The following EVC2 variants were observed in gnomAD, a reference collection of about 807,000 sequenced individuals.
EVC2 encodes the protein EvC ciliary complex subunit 2.
In EVC2, 148 loss-of-function variants were observed where a neutral mutation model predicts 149.3. The ratio of observed to expected loss-of-function variants is 0.99; its 90% CI spans 0.87 to 1.14. EVC2 has a LOEUF of 1.14. Among genes scored for constraint, EVC2 ranks in the 50% most tolerant of loss-of-function variants. EVC2 has a pLI of 0.00. For synonymous variants in EVC2, 776 were observed against 649.9 expected (o/e 1.19, Z -2.95); for missense variants, 1,854 against 1,627.3 (o/e 1.14, Z -2.40).
intron 16 of EVC2, among the ~76,000 whole-genome samples, chr4:5,587,153 G>A (rs1712361408): frequency 6.6e-6 from 1 of 152,100 alleles, no homozygotes; most frequent in South Asian, 2.1e-4. Context: ...ATTCACTAAA[G>A]TCAACAATTA....
intron 3 of EVC2, among the ~76,000 whole-genome samples, chr4:5,692,736 G>A (rs12644459): frequency 0.35 from 52,359 of 149,992 alleles, 9,538 homozygotes; most frequent in Non-Finnish European, 0.39. Flanking sequence ...GCGCGGTGGC[G>A]GGCGCCTGTA....
intron 9 of EVC2, among the ~76,000 whole-genome samples, chr4:5,661,866 C>A (rs10030653): frequency 8.5e-5 from 13 of 152,340 alleles, no homozygotes; most frequent in African/African-American, 3.1e-4. Flanking sequence ...CTCCAGTTCT[C>A]ATCCATAAGA....
At chr4:5,588,361 C>T (rs139321397) in intron 16 of EVC2, among the ~76,000 whole-genome samples, 2 of 152,232 alleles carry the variant, frequency 1.3e-5, no homozygotes, top group African/African-American at 2.4e-5. Context: ...TTATGATGCA[C>T]CTTAGAAAAA....
chr4:5,628,872 C>A (rs541102128), intron 11 of EVC2, 138 bp from the exon 12 acceptor site: 43 of 881,168 alleles, frequency 4.9e-5, no homozygotes, highest in Non-Finnish European at 7.3e-5. Context: ...CACCTTTAAC[C>A]TCCCTGCCTG....
chr4:5,631,314 A>T (rs1716512417), intron 11 of EVC2, among the ~76,000 whole-genome samples: 1 of 152,118 alleles, frequency 6.6e-6, no homozygotes, highest in South Asian at 2.1e-4. Flanking sequence ...TGTAGCCTCA[A>T]CCTCCTGGGC....
At position 5,562,988 on chromosome 4, in the gene EVC2, T is replaced by C; in HGVS notation, c.3787A>G (p.Ile1263Val). The C allele has an allele frequency of 6.2e-7, 1 of 1,614,196 alleles. No homozygotes were observed. Among genetic ancestry groups the C allele is most frequent in the Non-Finnish European group, 8.5e-7 (1 of 1,180,040 alleles). ...TTCTCTCCTGTGTTTAATAGATCAA[T>C]GGTTTCTGCCCCTACAATGGGTACA... Reference protein sequence around the residue: ...APVPIVGAETIDLLNTGEKLF... With the variant: ...APVPIVGAETVDLLNTGEKLF... Residue 1263 changes from isoleucine (I) to valine (V), a missense_variant, in exon 22 of 22, where the codon ATT becomes GTT. By Grantham distance (29) the Ile-to-Val change is conservative. Coordinates refer to ENST00000344408, the MANE Select transcript of EVC2 (RefSeq NM_147127.5). The surrounding 1 kb of genome is among the most constrained non-coding windows in gnomAD (Gnocchi z 4.3).
At chr4:5,561,117 A>G (rs1407380907), downstream of EVC2, among the ~76,000 whole-genome samples, 1 of 152,194 alleles carries the variant, frequency 6.6e-6, no homozygotes, top group Non-Finnish European at 1.5e-5. Flanking sequence ...TTTGCATGCA[A>G]TCTACTTTCA....
rs1722347761 is a variant in EVC2 at position 5,708,315 on chromosome 4, T to C, written c.199A>G (p.Ser67Gly). ...GPGLRIPPGRSGAGPESSTQD... is the reference protein window; with the variant it reads ...GPGLRIPPGRGGAGPESSTQD... Reference sequence around the variant, plus strand: ...GTGCTGCTCTCGGGCCCCGCCCCGCTCCGCCCCGGAGGGATCCTCAGGCCG... The same window carrying C: ...GTGCTGCTCTCGGGCCCCGCCCCGCCCCGCCCCGGAGGGATCCTCAGGCCG... Residue 67 changes from serine (S) to glycine (G), a missense_variant, in exon 1 of 22, where the codon AGC becomes GGC. Physicochemically the swap from Ser to Gly is moderately conservative, Grantham distance 56 (BLOSUM62 0). Transcript: ENST00000344408. The C allele has an allele frequency of 3.4e-6, 5 of 1,459,622 alleles. No homozygotes were observed. Among genetic ancestry groups the C allele is most frequent in the Non-Finnish European group, 4.5e-6 (5 of 1,110,588 alleles). 90.4% of individuals were successfully genotyped at this position (1,459,622 alleles called of 1,614,324 possible).
At chr4:5,616,260 T>G (rs1715242795) in intron 15 of EVC2, among the ~76,000 whole-genome samples, 1 of 152,150 alleles carries the variant, frequency 6.6e-6, no homozygotes. Context: ...CAGGGAGCCT[T>G]GAGGTCATGT....
chr4:5,563,171 T>G, intron 21 of EVC2, 56 bp from the exon 22 acceptor site: 5 of 1,528,270 alleles, frequency 3.3e-6, no homozygotes, highest in Non-Finnish European at 4.5e-6. Context: ...CCCTCTGGAG[T>G]GTTCTGAGTT....
intron 10 of EVC2, among the ~76,000 whole-genome samples, chr4:5,639,720 TG>T (rs1431239202): frequency 2.6e-5 from 4 of 152,234 alleles, no homozygotes; most frequent in Non-Finnish European, 2.9e-5. Context: ...GGGGGACACG[TG>T]GACTCTGACA....
At chr4:5,562,304 T>C, downstream of EVC2, 3 of 298,226 alleles carry the variant, frequency 1.0e-5, no homozygotes, top group Non-Finnish European at 1.5e-5. The surrounding 1 kb of genome is among the most constrained non-coding windows in gnomAD (Gnocchi z 4.3). Flanking sequence ...CCCCAGGGGC[T>C]GACACATGTT....
chr4:5,614,658 G>C lies in EVC2; in HGVS notation c.2829+764C>G, dbSNP rs1320636970. Among the ~76,000 whole-genome samples the C allele has an allele frequency of 6.6e-6, 1 of 152,174 alleles. No individual in the cohort carries two copies. The highest frequency in any genetic ancestry group is 1.5e-5 in the Non-Finnish European group (1 of 68,038). ...AGATTAAAGCATCCTAGGAGACTGTGTGGTGTGTGCTAGAACATCACGTAT... is the reference window on the plus strand; with the variant it reads ...AGATTAAAGCATCCTAGGAGACTGTCTGGTGTGTGCTAGAACATCACGTAT... On this transcript the variant is annotated intron_variant, in intron 16 of 21. Coordinates refer to ENST00000344408, the MANE Select transcript of EVC2 (RefSeq NM_147127.5). The surrounding 1 kb of genome is among the most constrained non-coding windows in gnomAD (Gnocchi z 4.7).
intron 21 of EVC2, among the ~76,000 whole-genome samples, chr4:5,552,300 C>T (rs984565334): frequency 3.3e-5 from 5 of 152,248 alleles, no homozygotes; most frequent in African/African-American, 1.2e-4. Flanking sequence ...AAATATTTGG[C>T]ATTTACAACA....
intron 21 of EVC2, among the ~76,000 whole-genome samples, chr4:5,555,408 C>T (rs182430671): frequency 1.3e-5 from 2 of 152,060 alleles, no homozygotes; most frequent in Admixed American, 1.3e-4. Flanking sequence ...TACCGGAAAC[C>T]CACTCTAATT....
In EVC2 at chr4:5,640,964, T is replaced by C. The variant is rs1246007776; in HGVS notation, c.1146-126A>G. The C allele has an allele frequency of 1.4e-5, 15 of 1,098,098 alleles. No individual in the cohort carries two copies. In the East Asian group the frequency reaches 3.1e-4, roughly 23 times the overall value. 68.0% of individuals were successfully genotyped at this position (1,098,098 alleles called of 1,614,324 possible). On this transcript the variant is annotated intron_variant, in intron 9 of 21. Coordinates refer to ENST00000344408, the MANE Select transcript of EVC2 (RefSeq NM_147127.5). This position sits in a 1 kb window ranked among gnomAD's most constrained non-coding sequence, Gnocchi z 4.6. ...GCTTTCTTCGTCTTCCTTTTCTTCC[T>C]TTCCCCGCTCACTTCTGCTTCATCC...
At chr4:5,658,344 A>G (rs369539162) in intron 9 of EVC2, among the ~76,000 whole-genome samples, 15 of 152,374 alleles carry the variant, frequency 9.8e-5, no homozygotes, top group African/African-American at 3.1e-4. Flanking sequence ...CTGGGCTTCA[A>G]GTTTTTAGAG....
intron 21 of EVC2, among the ~76,000 whole-genome samples, chr4:5,554,269 C>G (rs1721793533): frequency 1.3e-5 from 2 of 152,168 alleles, no homozygotes; most frequent in South Asian, 4.1e-4. Context: ...AGCGTCACAG[C>G]TGTGACCTGC....
chr4:5,548,756 T>C (rs949461601), intron 21 of EVC2, among the ~76,000 whole-genome samples: 2 of 152,184 alleles, frequency 1.3e-5, no homozygotes, highest in African/African-American at 4.8e-5. Flanking sequence ...TTTTTTGTGC[T>C]CTTATCTGAT....
Sources: allele counts gnomAD v4.1 joint callset (sites outside exome capture counted in the v4.1 genomes callset), GRCh38; gene constraint gnomAD v4.1.1; non-coding constraint Gnocchi (gnomAD v3.1); transcripts MANE v1.5; gene names NCBI Gene and HGNC (gene_info 2026-07-23, HGNC 2026-07-21).